Variants in KLRF1 observed in about 807,000 individuals in gnomAD.
KLRF1 encodes the protein killer cell lectin like receptor F1.
In KLRF1, 27 loss-of-function variants were observed where a neutral mutation model predicts 30.7. That is an observed-to-expected ratio of 0.88 (90% confidence interval 0.65 to 1.21). The LOEUF (loss-of-function observed/expected upper bound fraction) is 1.21. KLRF1 is among the 50% of genes most tolerant of loss of function. KLRF1 has a pLI of 0.00. For missense variants in KLRF1, 246 were observed against 259.3 expected, an observed-to-expected ratio of 0.95 and a Z score of 0.35; for synonymous variants, 92 against 89.3, an observed-to-expected ratio of 1.03 and a Z score of -0.17.
At chr12:9,819,390 T>C in the KLRF1 span, among the ~76,000 whole-genome samples, 1 of 152,120 alleles carries the variant, frequency 6.6e-6, no homozygotes, top group Non-Finnish European at 1.5e-5. Context: ...AGGTTATACC[T>C]CCCCTGAGAT....
chr12:9,841,036 A>G (rs913088004), intron 3 of KLRF1, among the ~76,000 whole-genome samples: 15 of 152,158 alleles, frequency 9.9e-5, no homozygotes, highest in African/African-American at 3.4e-4. Context: ...ATAGAAAAAC[A>G]TGGAATCAAC....
chr12:9,816,631 A>G, the KLRF1 span, among the ~76,000 whole-genome samples: 1 of 152,034 alleles, frequency 6.6e-6, no homozygotes, highest in Non-Finnish European at 1.5e-5. Flanking sequence ...TCAGCAATGA[A>G]CTTCATGAAA....
the KLRF1 span, among the ~76,000 whole-genome samples, chr12:9,802,026 C>T: frequency 6.6e-6 from 1 of 151,816 alleles, no homozygotes; most frequent in Non-Finnish European, 1.5e-5. Context: ...CTGGCAGAGA[C>T]ACAACAAAAA....
chr12:9,821,233 C>T, the KLRF1 span, among the ~76,000 whole-genome samples: 1 of 152,118 alleles, frequency 6.6e-6, no homozygotes, highest in African/African-American at 2.4e-5. Flanking sequence ...GCCAGCAATG[C>T]AGCTGCCCCA....
At chr12:9,828,920 G>A (rs1867344776) in intron 1 of KLRF1, among the ~76,000 whole-genome samples, 1 of 152,096 alleles carries the variant, frequency 6.6e-6, no homozygotes, top group African/African-American at 2.4e-5. Flanking sequence ...AAGCAAAAAT[G>A]TGCAGATTTT....
upstream of KLRF1, among the ~76,000 whole-genome samples, chr12:9,823,126 G>A (rs1054067793): frequency 4.7e-5 from 7 of 150,066 alleles, no homozygotes; most frequent in African/African-American, 1.2e-4. Flanking sequence ...ACAGTACTCC[G>A]AACCCAGAAA....
intron 2 of KLRF1, 90 bp downstream of exon 2, chr12:9,832,504 A>C (rs1479034238): frequency 9.4e-6 from 7 of 741,950 alleles, no homozygotes; most frequent in Non-Finnish European, 1.6e-5. Context: ...TTCATTCTTC[A>C]CTACATTAAC....
chr12:9,803,974 A>G, the KLRF1 span, among the ~76,000 whole-genome samples: 1,258 of 151,898 alleles, frequency 8.3e-3, 21 homozygotes, highest in African/African-American at 0.029. Flanking sequence ...TCCTGGAAAT[A>G]ACTTGCTGGG....
intron 1 of KLRF1, among the ~76,000 whole-genome samples, chr12:9,832,004 G>C (rs7312731): frequency 6.6e-6 from 1 of 152,140 alleles, no homozygotes; most frequent in Non-Finnish European, 1.5e-5. Context: ...TCATGAGTGC[G>C]TGTGTCTCCG....
chr12:9,822,074 C>A, the KLRF1 span, among the ~76,000 whole-genome samples: 1 of 152,200 alleles, frequency 6.6e-6, no homozygotes, highest in Non-Finnish European at 1.5e-5. Context: ...GAGAAAGAAG[C>A]AACACAAGAA....
At chr12:9,812,121 G>T in the KLRF1 span, among the ~76,000 whole-genome samples, 142 of 152,180 alleles carry the variant, frequency 9.3e-4, no homozygotes, top group African/African-American at 3.2e-3. Flanking sequence ...ATCCCAGCAC[G>T]TTGGGAGGCC....
At chr12:9,843,725 A>G (rs150516744) in intron 5 of KLRF1, among the ~76,000 whole-genome samples, 447 of 152,270 alleles carry the variant, frequency 2.9e-3, no homozygotes, top group Non-Finnish European at 3.7e-3. Flanking sequence ...TACAAAATTT[A>G]AAACTAAACT....
rs1026696807 is a variant in KLRF1, at chr12:9,842,225, C to T, written c.475-96C>T. 32 of 1,301,146 alleles carry T rather than the reference C, an allele frequency of 2.5e-5. No individual in the cohort carries two copies. In the African/African-American group the frequency reaches 4.1e-4, roughly 17 times the overall value. 80.6% of individuals were successfully genotyped at this position (1,301,146 alleles called of 1,614,324 possible). ...TATGAATTGATTACCATAAGAATCC[C>T]TATGCAGAGTGCTTTTTTGCAATAA... On this transcript the variant is annotated intron_variant, in intron 4 of 5. Coordinates refer to ENST00000617889, the MANE Select transcript of KLRF1 (RefSeq NM_016523.3).
chr12:9,829,247 G>GT (rs1312633349), intron 1 of KLRF1, among the ~76,000 whole-genome samples: 1 of 152,104 alleles, frequency 6.6e-6, no homozygotes, highest in Non-Finnish European at 1.5e-5. Context: ...AGATTAAAAT[G>GT]TTTTGCGGTT....
upstream of KLRF1, among the ~76,000 whole-genome samples, chr12:9,825,158 G>A (rs370001166): frequency 6.6e-6 from 1 of 151,402 alleles, no homozygotes; most frequent in African/African-American, 2.4e-5. Context: ...AGCCCAAATA[G>A]CCAAGGCAAT....
the KLRF1 span, chr12:9,817,793 C>G: frequency 2.0e-5 from 4 of 195,308 alleles, no homozygotes; most frequent in East Asian, 1.7e-4. Context: ...GGTGCAGGCA[C>G]TTCCTCAGTT....
At chr12:9,843,007 A>C (rs867543973) in intron 5 of KLRF1, among the ~76,000 whole-genome samples, 1 of 152,194 alleles carries the variant, frequency 6.6e-6, no homozygotes, top group South Asian at 2.1e-4. Context: ...TTCTAATTCC[A>C]AAATGCTGTG....
chr12:9,821,270 C>T, the KLRF1 span, among the ~76,000 whole-genome samples: 2 of 152,088 alleles, frequency 1.3e-5, no homozygotes, highest in Non-Finnish European at 2.9e-5. Flanking sequence ...CTTCCAGTAA[C>T]AGCAGCTCTG....
In KLRF1 at chr12:9,827,557, G is replaced by GA; in HGVS notation, c.16dup (p.Arg6LysfsTer23). On this transcript the variant is annotated frameshift_variant, in exon 1 of 6. Coordinates refer to ENST00000617889, the MANE Select transcript of KLRF1 (RefSeq NM_016523.3). LOFTEE classifies it high-confidence loss of function. ...ACTCACATTGAAGATGCAAGATGAA[G>GA]AAAGATACATGACATTGAATGTACA... is the stretch of plus-strand genomic sequence containing the variant. 6.2e-7 allele frequency: 1 copy of GA among 1,602,712 alleles called. No individual in the cohort carries two copies. The highest frequency in any genetic ancestry group is 8.5e-7 in the Non-Finnish European group (1 of 1,171,564).
Sources: allele counts gnomAD v4.1 joint callset (sites outside exome capture counted in the v4.1 genomes callset), GRCh38; gene constraint gnomAD v4.1.1; transcripts MANE v1.5; gene names NCBI Gene and HGNC (gene_info 2026-07-23, HGNC 2026-07-21).